The following CSPP1 variants were observed in gnomAD, a reference collection of about 807,000 sequenced individuals.
CSPP1 encodes the protein centrosome and spindle pole associated protein 1.
CSPP1 carries 126 observed loss-of-function variants against 164.4 expected under a neutral mutation model. The observed-to-expected ratio is 0.77, with a 90% CI of 0.66 to 0.89. The LOEUF is 0.89. CSPP1 is among the 40% of genes least tolerant of loss of function. CSPP1 has a pLI of 0.00. For synonymous variants in CSPP1, 472 were observed against 476.7 expected, an observed-to-expected ratio of 0.99 and a Z score of 0.13; for missense variants, 1,395 against 1,449.8, an observed-to-expected ratio of 0.96 and a Z score of 0.61.
At chr8:67,097,648 C>T (rs1751705270) in intron 7 of CSPP1, among the ~76,000 whole-genome samples, 1 of 150,536 alleles carries the variant, frequency 6.6e-6, no homozygotes, top group Non-Finnish European at 1.5e-5. Context: ...TAATGCATAC[C>T]CTTTTAAGTT....
chr8:67,067,044 C>T (rs1326460791), intron 1 of CSPP1, among the ~76,000 whole-genome samples: 3 of 152,196 alleles, frequency 2.0e-5, no homozygotes, highest in East Asian at 1.9e-4. Context: ...GCGTGAGCCA[C>T]GGTGCCCAGC....
At chr8:67,161,309 G>T (rs1828298045) in intron 21 of CSPP1, among the ~76,000 whole-genome samples, 1 of 152,096 alleles carries the variant, frequency 6.6e-6, no homozygotes, top group Non-Finnish European at 1.5e-5. Flanking sequence ...TTACAATGAA[G>T]TTTTTGGACT....
chr8:67,151,904 A>G, intron 18 of CSPP1, among the ~76,000 whole-genome samples: 1 of 151,792 alleles, frequency 6.6e-6, no homozygotes. Context: ...CCTGGCCTAC[A>G]TGGTGAAACC....
chr8:67,130,581 A>G (rs1821028232), intron 15 of CSPP1, among the ~76,000 whole-genome samples: 2 of 152,232 alleles, frequency 1.3e-5, no homozygotes, highest in East Asian at 3.8e-4. Context: ...GTATACACAA[A>G]CATACTTGTT....
rs911041944 is a variant in CSPP1, at chr8:67,126,878, A to C, written c.1698-5073A>C. Among the ~76,000 whole-genome samples, 5 of 152,068 alleles carry C rather than the reference A, an allele frequency of 3.3e-5. 1 individual carries two copies. The South Asian group carries it at 1.0e-3, about 31-fold the overall frequency. Reference sequence around the variant, plus strand: ...ATTGTTTTCTACAAAACCCCAGGATAGTGAGTTCTGAGTCTGGTAAAATAT... The same window carrying C: ...ATTGTTTTCTACAAAACCCCAGGATCGTGAGTTCTGAGTCTGGTAAAATAT... On this transcript the variant is annotated intron_variant, in intron 15 of 30. Coordinates refer to ENST00000678616, the MANE Select transcript of CSPP1 (RefSeq NM_001382391.1).
At chr8:67,120,157 T>A (rs147444555) in intron 15 of CSPP1, among the ~76,000 whole-genome samples, 6 of 152,354 alleles carry the variant, frequency 3.9e-5, no homozygotes, top group African/African-American at 1.4e-4. Flanking sequence ...ATTGGCATTC[T>A]TGTTGAAAAT....
Position 67,161,922 on chromosome 8 carries a change from A to G in CSPP1, c.2643+7A>G, listed in dbSNP as rs190584438. ...CATACGTTCCTTTATTCATGTATGT[A>G]CTTTTGTTTTTATTTGTTCATCCTA... On this transcript the variant is annotated splice_region_variant and intron_variant, in intron 22 of 30. Transcript: ENST00000678616. 37 of 1,557,984 alleles carry G rather than the reference A, an allele frequency of 2.4e-5. No individual in the cohort carries two copies. The highest frequency in any genetic ancestry group is 3.1e-5 in the Non-Finnish European group (35 of 1,130,668).
rs748917623 is a variant in CSPP1 at position 67,074,324 on chromosome 8, A to C, written c.72A>C (p.Glu24Asp). 3.1e-6 allele frequency: 5 copies of C among 1,607,874 alleles called. No individual in the cohort carries two copies. The Admixed American group carries it at 8.4e-5, about 27-fold the overall frequency. Residue 24 changes from glutamate to aspartate, a missense_variant, in exon 2 of 31, where the codon GAA becomes GAC. By Grantham distance (45) the Glu-to-Asp change is conservative. Transcript: ENST00000678616. ...ARLAEDKAEL[E>D]SDPPYMEMKG... ...TGGCCGAAGACAAAGCAGAGTTGGA[A>C]AGTGATCCACCTTACATGGAAATGA...
intron 21 of CSPP1, among the ~76,000 whole-genome samples, chr8:67,159,543 CAT>C (rs1827351537): frequency 2.2e-5 from 2 of 89,620 alleles, no homozygotes; most frequent in East Asian, 7.6e-4. Context: ...TTTTTTGAGA[CAT>C]AATCTCGCTC....
rs1021950925 is a variant in CSPP1 at position 67,132,067 on chromosome 8, CT to C, written c.1817del (p.Leu606CysfsTer26). On this transcript the variant is annotated frameshift_variant, in exon 16 of 31. Coordinates refer to ENST00000678616, the MANE Select transcript of CSPP1 (RefSeq NM_001382391.1). LOFTEE classifies it high-confidence loss of function. ...SKQSLQSYQEALQQQIREREE... is the reference protein window; with the variant it reads ...SKQSLQSYQEXLQQQIREREE... ...CAGTCACTTCAGTCTTACCAAGAGG[CT>C]TTGCAGCAGCAGGTATTGATTCATT... 8.1e-6 allele frequency: 13 copies of C among 1,612,636 alleles called. No homozygotes were observed. The highest frequency in any genetic ancestry group is 1.1e-5 in the Non-Finnish European group (13 of 1,179,338).
rs540110289 is a variant in CSPP1 at position 67,088,427 on chromosome 8, A to G, written c.303+2317A>G. Among the ~76,000 whole-genome samples, 6 of 151,726 alleles carry G rather than the reference A, an allele frequency of 4.0e-5. No individual in the cohort carries two copies. The East Asian group carries it at 1.2e-3, about 30-fold the overall frequency. ...CTCAGCTCCCGGAGTAGCTGGAACTACAGGCGTCCACCACCATGCCTGGCT... is the reference window on the plus strand; with the variant it reads ...CTCAGCTCCCGGAGTAGCTGGAACTGCAGGCGTCCACCACCATGCCTGGCT... On this transcript the variant is annotated intron_variant, in intron 4 of 30. Transcript: ENST00000678616.
intron 15 of CSPP1, among the ~76,000 whole-genome samples, chr8:67,128,084 G>A (rs527672749): frequency 9.9e-5 from 15 of 152,260 alleles, no homozygotes; most frequent in Non-Finnish European, 2.2e-4. Context: ...AAGGATGGGT[G>A]TGTTATTATA....
At chr8:67,192,524 C>A (rs368180437) in intron 29 of CSPP1, among the ~76,000 whole-genome samples, 11 of 152,212 alleles carry the variant, frequency 7.2e-5, no homozygotes, top group African/African-American at 2.2e-4. Flanking sequence ...TTCTTTGAAG[C>A]ACAGAAGTTT....
At chr8:67,108,565 G>A (rs1816139171) in intron 9 of CSPP1, among the ~76,000 whole-genome samples, 1 of 152,114 alleles carries the variant, frequency 6.6e-6, no homozygotes, top group Non-Finnish European at 1.5e-5. Flanking sequence ...ATTTTTCTTA[G>A]TGTTCCTGCA....
chr8:67,112,177 T>A (rs1250022420), intron 10 of CSPP1, 112 bp downstream of exon 10: 1 of 581,678 alleles, frequency 1.7e-6, no homozygotes, highest in East Asian at 3.2e-5. Flanking sequence ...GATTTGTAAA[T>A]CACTTATATT....
chr8:67,085,876 A>G, intron 3 of CSPP1, 131 bp from the exon 4 acceptor site: 3 of 601,788 alleles, frequency 5.0e-6, no homozygotes, highest in Non-Finnish European at 9.0e-6. Flanking sequence ...CATTTTAAGT[A>G]AAAAACTTAC....
chr8:67,115,859 C>T (rs767480096), intron 12 of CSPP1, 55 bp from the exon 13 acceptor site: 192 of 1,411,618 alleles, frequency 1.4e-4, no homozygotes, highest in Middle Eastern at 2.0e-4. Context: ...GAGGTCCCTT[C>T]CACCTTTAAA....
At chr8:67,177,273 C>T (rs1831920053) in intron 26 of CSPP1, among the ~76,000 whole-genome samples, 1 of 152,072 alleles carries the variant, frequency 6.6e-6, no homozygotes, top group African/African-American at 2.4e-5. Flanking sequence ...GATACCTGAT[C>T]CAAGATCTTT....
chr8:67,105,848 T>G, intron 8 of CSPP1, 57 bp from the exon 9 acceptor site: 1 of 955,276 alleles, frequency 1.0e-6, no homozygotes, highest in Non-Finnish European at 1.7e-6. Context: ...GAAATTTTGC[T>G]TCCTGAAAAT....
Sources: gnomAD v4.1 joint callset for allele counts (sites outside exome capture counted in the v4.1 genomes callset) on GRCh38, gnomAD v4.1.1 for gene constraint, MANE v1.5 for transcripts, NCBI Gene and HGNC (gene_info 2026-07-23, HGNC 2026-07-21) for gene names.